Variants in PPP2R5C observed in about 807,000 individuals in gnomAD.
The protein encoded by PPP2R5C is protein phosphatase 2 regulatory subunit B'gamma, also known as serine/threonine-protein phosphatase 2A 56 kDa regulatory subunit gamma isoform.
PPP2R5C carries 7 observed loss-of-function variants against 68.9 expected under a neutral mutation model. The ratio of observed to expected loss-of-function variants is 0.10; its 90% CI spans 0.06 to 0.19. PPP2R5C has a LOEUF of 0.19. Ranked by LOEUF, PPP2R5C falls within the 10% of genes least tolerant of loss-of-function variation. The probability of loss-of-function intolerance (pLI) is 1.00; values close to 1 mark genes in which losing one functional copy is unlikely to be tolerated. For missense variants in PPP2R5C, 348 were observed against 641.3 expected, an observed-to-expected ratio of 0.54 and a Z score of 4.94; for synonymous variants, 210 against 222.2, an observed-to-expected ratio of 0.95 and a Z score of 0.49.
chr14:101,815,167 C>T (rs959924055), intron 1 of PPP2R5C, among the ~76,000 whole-genome samples: 2 of 151,878 alleles, frequency 1.3e-5, no homozygotes, highest in Non-Finnish European at 2.9e-5. Flanking sequence ...TTTGTCCCCC[C>T]GGGAGAAAAA....
intron 1 of PPP2R5C, chr14:101,843,362 A>G: frequency 5.2e-6 from 1 of 192,678 alleles, no homozygotes; most frequent in Non-Finnish European, 1.1e-5. Context: ...GATACGAAAT[A>G]AGATGGAACA....
intron 1 of PPP2R5C, among the ~76,000 whole-genome samples, chr14:101,834,877 T>C (rs1167330709): frequency 6.6e-6 from 1 of 152,208 alleles, no homozygotes; most frequent in Non-Finnish European, 1.5e-5. Context: ...TACTTGATTA[T>C]ATCCAGCTCG....
At chr14:101,923,526 G>A (rs1410367621) in intron 13 of PPP2R5C, among the ~76,000 whole-genome samples, 1 of 152,144 alleles carries the variant, frequency 6.6e-6, no homozygotes, top group Non-Finnish European at 1.5e-5. Context: ...ATCCTCACAC[G>A]TTAACACGCT....
chr14:101,899,422 CA>C lies in PPP2R5C; in HGVS notation c.853-2296del, dbSNP rs2045553003. Among the ~76,000 whole-genome samples the C allele has an allele frequency of 6.6e-6, 1 of 152,210 alleles. No homozygotes were observed. The highest frequency in any genetic ancestry group is 2.4e-5 in the African/African-American group (1 of 41,458). The stretch of plus-strand genomic sequence containing the variant: ...GGGCCTTGTGCTGCACCCAGCAGCA[CA>C]CAGCCATTGTTGCCTCGGATTCACA... On this transcript the variant is annotated intron_variant, in intron 8 of 13. Transcript: ENST00000334743. This position sits in a 1 kb window ranked among gnomAD's most constrained non-coding sequence, Gnocchi z 4.2.
chr14:101,926,074 G>A (rs2047278840), exon 14 of PPP2R5C: 1 of 152,202 alleles, frequency 6.6e-6, no homozygotes, highest in Admixed American at 6.5e-5. Context: ...TGCAGATTTC[G>A]TTTCCGTCAA....
chr14:101,764,493 A>T (rs2036749899), intron 2 of PPP2R5C, among the ~76,000 whole-genome samples: 1 of 152,166 alleles, frequency 6.6e-6, no homozygotes, highest in South Asian at 2.1e-4. Flanking sequence ...ACTTTTTTTT[A>T]GCCCTGCATT....
intron 1 of PPP2R5C, among the ~76,000 whole-genome samples, chr14:101,817,692 C>T (rs1423747491): frequency 1.4e-5 from 2 of 144,762 alleles, no homozygotes; most frequent in Non-Finnish European, 3.0e-5. Flanking sequence ...CACCCCCCAT[C>T]CCCCACCCCG....
upstream of PPP2R5C, among the ~76,000 whole-genome samples, chr14:101,805,762 G>C (rs2039049900): frequency 1.3e-5 from 2 of 152,240 alleles, no homozygotes; most frequent in African/African-American, 2.4e-5. Flanking sequence ...CAACATGGAT[G>C]AATCTTGCGG....
chr14:101,837,703 G>A (rs1418232949), intron 1 of PPP2R5C, among the ~76,000 whole-genome samples: 2 of 152,158 alleles, frequency 1.3e-5, no homozygotes, highest in African/African-American at 2.4e-5. Flanking sequence ...TCTAGAACAC[G>A]AGCACTAAGT....
intron 2 of PPP2R5C, among the ~76,000 whole-genome samples, chr14:101,771,784 G>A (rs2037163247): frequency 6.6e-6 from 1 of 152,084 alleles, no homozygotes; most frequent in African/African-American, 2.4e-5. Context: ...CCTGCAGCCT[G>A]CAGGTGTTAG....
chr14:101,821,679 G>T (rs1040469172), intron 1 of PPP2R5C, among the ~76,000 whole-genome samples: 7 of 151,866 alleles, frequency 4.6e-5, no homozygotes, highest in South Asian at 2.1e-4. Flanking sequence ...GTATTGTACT[G>T]TGTATACATA....
At position 101,825,603 on chromosome 14, in the gene PPP2R5C, C is replaced by T. The variant is rs2140300347; in HGVS notation, c.94+15567C>T. On this transcript the variant is annotated intron_variant, in intron 1 of 13. Coordinates refer to ENST00000334743, the Ensembl canonical transcript of PPP2R5C. The surrounding 1 kb of genome is among the most constrained non-coding windows in gnomAD (Gnocchi z 4.0). The stretch of plus-strand genomic sequence containing the variant: ...TCCACCTCCTAGCCAGGGTGTCACT[C>T]CAATTCCATCATTCAGGTTTCACTG... Among the ~76,000 whole-genome samples, 1 of 152,288 alleles carries T rather than the reference C, an allele frequency of 6.6e-6. No individual in the cohort carries two copies. Among genetic ancestry groups the T allele is most frequent in the South Asian group, 2.1e-4 (1 of 4,822 alleles).
intron 2 of PPP2R5C, among the ~76,000 whole-genome samples, chr14:101,774,503 C>A (rs2037317688): frequency 6.6e-6 from 1 of 152,198 alleles, no homozygotes; most frequent in Non-Finnish European, 1.5e-5. Flanking sequence ...CTCTGCTATA[C>A]CCAGTCTCTG....
chr14:101,873,550 T>C (rs531816166), intron 2 of PPP2R5C, among the ~76,000 whole-genome samples: 12 of 152,294 alleles, frequency 7.9e-5, no homozygotes, highest in South Asian at 2.1e-4. Context: ...ATCTGGTTGG[T>C]GGGAACAGAC....
chr14:101,821,302 A>AT (rs999269033), intron 1 of PPP2R5C, among the ~76,000 whole-genome samples: 1 of 151,690 alleles, frequency 6.6e-6, no homozygotes, highest in African/African-American at 2.4e-5. Context: ...CCCCATTTAC[A>AT]TTTTTTCTTC....
rs957392955 is a variant in PPP2R5C, at chr14:101,877,195, C to T, written c.295-4966C>T. Among the ~76,000 whole-genome samples, 3 of 152,014 alleles carry T rather than the reference C, an allele frequency of 2.0e-5. No individual in the cohort carries two copies. Among genetic ancestry groups the T allele is most frequent in the Admixed American group, 1.3e-4 (2 of 15,266 alleles). On this transcript the variant is annotated intron_variant, in intron 2 of 13. Coordinates refer to ENST00000334743, the Ensembl canonical transcript of PPP2R5C. The surrounding 1 kb of genome is among the most constrained non-coding windows in gnomAD (Gnocchi z 4.2). ...AACTCTTGACCTCAAGTGATCCACC[C>T]GCCTCGGCCTCCCAAAGTGCTGGGA...
intron 3 of PPP2R5C, among the ~76,000 whole-genome samples, chr14:101,794,836 T>C (rs1179080505): frequency 6.6e-6 from 1 of 152,230 alleles, no homozygotes; most frequent in African/African-American, 2.4e-5. Flanking sequence ...CATAACCTGC[T>C]TCCTTACTGA....
chr14:101,786,273 G>A (rs907750036), intron 3 of PPP2R5C, 90 bp downstream of exon 3: 42 of 1,216,558 alleles, frequency 3.5e-5, no homozygotes, highest in African/African-American at 4.8e-5. Context: ...TTCCTTTGCT[G>A]TGTTTGTATT....
intron 2 of PPP2R5C, among the ~76,000 whole-genome samples, chr14:101,880,978 A>C (rs1166831147): frequency 6.6e-6 from 1 of 152,060 alleles, no homozygotes; most frequent in Non-Finnish European, 1.5e-5. Flanking sequence ...TGTGCTTCTG[A>C]GAGTGGTGGG....
Sources: gnomAD v4.1 joint callset for allele counts (sites outside exome capture counted in the v4.1 genomes callset) on GRCh38, gnomAD v4.1.1 for gene constraint, Gnocchi (gnomAD v3.1) non-coding constraint, MANE v1.5 for transcripts, NCBI Gene and HGNC (gene_info 2026-07-23, HGNC 2026-07-21) for gene names.